The following MED13L variants were observed in gnomAD, a reference collection of about 807,000 sequenced individuals.
MED13L encodes mediator complex subunit 13L.
A neutral mutation model predicts 220.9 loss-of-function variants in MED13L; 7 were observed. The ratio of observed to expected loss-of-function variants is 0.03; its 90% CI spans 0.02 to 0.06. MED13L has a LOEUF of 0.06. Ranked by LOEUF, MED13L falls within the 10% of genes least tolerant of loss-of-function variation. MED13L has a pLI of 1.00. For missense variants in MED13L, 1,965 were observed against 2,760.5 expected (o/e 0.71, Z 6.46); for synonymous variants, 1,011 against 1,015.2 (o/e 1.00, Z 0.08).
chr12:116,184,004 T>C (rs1308479343), intron 2 of MED13L, among the ~76,000 whole-genome samples: 1 of 152,192 alleles, frequency 6.6e-6, no homozygotes, highest in Non-Finnish European at 1.5e-5. Flanking sequence ...CAAACCACCA[T>C]GCCAACCTCC....
intron 26 of MED13L, 83 bp from the exon 27 acceptor site, chr12:115,970,853 T>C: frequency 1.6e-6 from 2 of 1,288,694 alleles, no homozygotes; most frequent in Non-Finnish European, 2.2e-6. Flanking sequence ...TGGAGTGGTA[T>C]GAGTCTGATG....
chr12:115,972,939 G>A lies in MED13L; in HGVS notation c.5732-703C>T, dbSNP rs549834591. ...CTCTTCTGACCTCCCTTACACACAC[G>A]AAGTATGCGCCATTCCTATGCATCA... On this transcript the variant is annotated intron_variant, in intron 25 of 30. Transcript: ENST00000281928. 7.9e-5 allele frequency among the ~76,000 whole-genome samples: 12 copies of A among 152,196 alleles called. 4 individuals are homozygous for A. Among genetic ancestry groups the A allele is most frequent in the African/African-American group, 2.4e-4 (10 of 41,528 alleles).
chr12:116,160,419 A>G (rs1177651121), intron 2 of MED13L, among the ~76,000 whole-genome samples: 1 of 152,090 alleles, frequency 6.6e-6, no homozygotes, highest in Non-Finnish European at 1.5e-5. Flanking sequence ...CTCTCTGGAG[A>G]GCCCTGCAAT....
chr12:116,177,011 T>C (rs996464061), intron 2 of MED13L, among the ~76,000 whole-genome samples: 27 of 152,270 alleles, frequency 1.8e-4, no homozygotes, highest in East Asian at 9.6e-4. Flanking sequence ...TTAGCTTCTA[T>C]TGCATTTTTG....
intron 2 of MED13L, among the ~76,000 whole-genome samples, chr12:116,220,265 T>C (rs1008090733): frequency 6.6e-6 from 1 of 152,194 alleles, no homozygotes; most frequent in Non-Finnish European, 1.5e-5. Flanking sequence ...TAATCTGAAT[T>C]ACTATTTAAA....
intron 4 of MED13L, among the ~76,000 whole-genome samples, chr12:116,089,418 T>C (rs902182712): frequency 6.6e-6 from 1 of 152,186 alleles, no homozygotes; most frequent in African/African-American, 2.4e-5. Flanking sequence ...ATGAAAAGGA[T>C]GATATCATCT....
chr12:116,069,224 C>T (rs577487975), intron 4 of MED13L, among the ~76,000 whole-genome samples: 28 of 152,252 alleles, frequency 1.8e-4, no homozygotes, highest in African/African-American at 6.5e-4. Context: ...GAACTCACTT[C>T]CCATTAAGAA....
chr12:116,254,156 T>C (rs1329193537), intron 1 of MED13L, among the ~76,000 whole-genome samples: 1 of 152,058 alleles, frequency 6.6e-6, no homozygotes, highest in African/African-American at 2.4e-5. Context: ...AGAGTGAATA[T>C]TTTCTGCCCA....
chr12:115,994,664 A>G (rs138362280), intron 16 of MED13L, among the ~76,000 whole-genome samples: 1 of 152,316 alleles, frequency 6.6e-6, no homozygotes, highest in African/African-American at 2.4e-5. Flanking sequence ...GAAAGAGATT[A>G]AACTGCTGAA....
intron 2 of MED13L, among the ~76,000 whole-genome samples, chr12:116,213,506 G>C (rs1882831512): frequency 6.6e-6 from 1 of 152,154 alleles, no homozygotes; most frequent in Admixed American, 6.5e-5. Flanking sequence ...CTGCCTCCAG[G>C]TTCAAGCGAT....
At chr12:116,134,619 A>T (rs1396336476) in intron 2 of MED13L, among the ~76,000 whole-genome samples, 2 of 152,208 alleles carry the variant, frequency 1.3e-5, no homozygotes, top group Non-Finnish European at 2.9e-5. Context: ...GGCAGAGAGT[A>T]ATAATTTTAC....
intron 2 of MED13L, among the ~76,000 whole-genome samples, chr12:116,182,717 G>A (rs1880614697): frequency 6.6e-6 from 1 of 152,154 alleles, no homozygotes; most frequent in Non-Finnish European, 1.5e-5. Context: ...TGATAAACTT[G>A]GAGACCCAAA....
At position 115,984,229 on chromosome 12, in the gene MED13L, G is replaced by A. The variant is rs1248701082; in HGVS notation, c.4482C>T (p.Asp1494=). The change falls in exon 20 of 31, where the codon GAC becomes GAT. Residue 1494 remains aspartate (D), a synonymous_variant. Coordinates refer to ENST00000281928, the MANE Select transcript of MED13L (RefSeq NM_015335.5). ...FNQPWSGEEN[D]NHSRLKLYAQ... is the part of the protein sequence containing the mutation. ...CATAAAGTTTGAGTCTGGAATGATT[G>A]TCATTCTCCTCGCCGCTCCAAGGCT... 1.9e-6 allele frequency: 3 copies of A among 1,613,944 alleles called. No individual in the cohort carries two copies. In the Admixed American group the frequency reaches 5.0e-5, roughly 27 times the overall value.
intron 1 of MED13L, among the ~76,000 whole-genome samples, chr12:116,248,652 A>C (rs1371726990): frequency 1.3e-5 from 2 of 152,252 alleles, no homozygotes; most frequent in African/African-American, 2.4e-5. Context: ...TTATCAGTAC[A>C]CAACTGTCCC....
chr12:115,996,639 C>A lies in MED13L; in HGVS notation c.2833G>T (p.Val945Leu). 8 of 1,614,016 alleles carry A rather than the reference C, an allele frequency of 5.0e-6. No homozygotes were observed. Among genetic ancestry groups the A allele is most frequent in the Non-Finnish European group, 6.8e-6 (8 of 1,179,994 alleles). The change falls in exon 16 of 31, where the codon GTG becomes TTG. Residue 945 changes from valine (V) to leucine (L), a missense_variant. Val to Leu is a conservative substitution (Grantham distance 32). Coordinates refer to ENST00000281928, the MANE Select transcript of MED13L (RefSeq NM_015335.5). ...VHKVPSFQPF[V>L]GSSMFAPLKM... ...AGTGGAGCAAACATGGAGGATCCCACAAAAGGTTGAAAGGATGGAACTTTG... is the reference window on the plus strand; with the variant it reads ...AGTGGAGCAAACATGGAGGATCCCAAAAAAGGTTGAAAGGATGGAACTTTG...
At chr12:116,186,578 T>C (rs1880919593) in intron 2 of MED13L, among the ~76,000 whole-genome samples, 1 of 152,210 alleles carries the variant, frequency 6.6e-6, no homozygotes, top group Non-Finnish European at 1.5e-5. Flanking sequence ...CTAAGTCCAC[T>C]ATACAGCCAA....
intron 20 of MED13L, among the ~76,000 whole-genome samples, chr12:115,983,745 T>C (rs1877497937): frequency 6.6e-6 from 1 of 152,164 alleles, no homozygotes; most frequent in Non-Finnish European, 1.5e-5. Context: ...AATTCTACAG[T>C]AGAGGCTTGT....
At chr12:115,988,424 T>C (rs1156802988) in intron 17 of MED13L, among the ~76,000 whole-genome samples, 1 of 152,208 alleles carries the variant, frequency 6.6e-6, no homozygotes, top group Non-Finnish European at 1.5e-5. Context: ...AGGCACCTCA[T>C]GGCCCCTTCC....
In MED13L at chr12:115,987,106, T is replaced by TC. The variant is rs1377970744; in HGVS notation, c.4114+2_4114+3insG. Reference sequence around the variant, plus strand: ...GGAATTTTAAACAGGACAAAGACCCTACCGTAGGTTCCCCGTCCTGCCATT... The same window carrying TC: ...GGAATTTTAAACAGGACAAAGACCCTCACCGTAGGTTCCCCGTCCTGCCATT... On this transcript the variant is annotated splice_region_variant and intron_variant, in intron 18 of 30. Coordinates refer to ENST00000281928, the MANE Select transcript of MED13L (RefSeq NM_015335.5). 1 of 1,613,962 alleles carries TC rather than the reference T, an allele frequency of 6.2e-7. No homozygotes were observed.
Sources: allele counts gnomAD v4.1 joint callset (sites outside exome capture counted in the v4.1 genomes callset), GRCh38; gene constraint gnomAD v4.1.1; transcripts MANE v1.5; gene names NCBI Gene and HGNC (gene_info 2026-07-23, HGNC 2026-07-21).